The following ZFHX4 variants were observed in gnomAD, a reference collection of about 807,000 sequenced individuals.
ZFHX4 encodes the protein zinc finger homeobox 4, also known as zinc finger homeobox protein 4.
Under a neutral mutation model 267.6 loss-of-function variants are expected in ZFHX4, and 56 were observed. The ratio of observed to expected loss-of-function variants is 0.21; its 90% CI spans 0.17 to 0.26. ZFHX4 has a LOEUF of 0.26. Ranked by LOEUF, ZFHX4 falls within the 10% of genes least tolerant of loss-of-function variation. The probability of loss-of-function intolerance (pLI) is 1.00; values close to 1 mark genes in which losing one functional copy is unlikely to be tolerated. For synonymous variants in ZFHX4, 1,778 were observed against 1,665.6 expected, an observed-to-expected ratio of 1.07 and a Z score of -1.64; for missense variants, 4,332 against 4,420.0, an observed-to-expected ratio of 0.98 and a Z score of 0.56.
At chr8:76,739,396 T>G (rs1809257070) in intron 3 of ZFHX4, among the ~76,000 whole-genome samples, 1 of 152,206 alleles carries the variant, frequency 6.6e-6, no homozygotes, top group Non-Finnish European at 1.5e-5. Flanking sequence ...AACTACCTCA[T>G]GGTTCCTTTG....
intron 5 of ZFHX4, among the ~76,000 whole-genome samples, chr8:76,835,243 A>ATATATATATATATATATATG (rs1554572188): frequency 9.7e-6 from 1 of 102,742 alleles, no homozygotes; most frequent in African/African-American, 4.4e-5. Context: ...ATATATATGT[A>ATATATATATATATATATATG]TATATATATA....
chr8:76,757,430 A>G (rs540938596), intron 3 of ZFHX4, among the ~76,000 whole-genome samples: 11 of 152,308 alleles, frequency 7.2e-5, no homozygotes, highest in Admixed American at 5.2e-4. Flanking sequence ...TAGCTCCACC[A>G]CAAAAGATCT....
chr8:76,783,028 G>GT (rs1402296207), intron 4 of ZFHX4, among the ~76,000 whole-genome samples: 2 of 151,930 alleles, frequency 1.3e-5, no homozygotes, highest in Non-Finnish European at 1.5e-5. Flanking sequence ...AGCATAGAAA[G>GT]GTCTCTTATT....
chr8:76,845,084 T>G (rs1812332234), intron 6 of ZFHX4, among the ~76,000 whole-genome samples: 1 of 152,128 alleles, frequency 6.6e-6, no homozygotes, highest in Non-Finnish European at 1.5e-5. Flanking sequence ...AACATAGAAT[T>G]TTTTAGACAA....
At chr8:76,820,009 C>T (rs1000523187) in intron 4 of ZFHX4, among the ~76,000 whole-genome samples, 3 of 152,056 alleles carry the variant, frequency 2.0e-5, no homozygotes, top group Non-Finnish European at 4.4e-5. Context: ...AAAATATTGG[C>T]CATATAAAAG....
rs928225342 is a variant in ZFHX4, at chr8:76,855,209, C to T, written c.8288C>T (p.Ser2763Leu). ...STPVSKTAEL[S>L]PKNLLSPSSF... is the part of the protein sequence containing the mutation. ...CCTGTTAGTAAAACAGCAGAGCTGT[C>T]ACCGAAGAATCTTTTAAGCCCTTCT... Residue 2763 changes from serine (S) to leucine (L), a missense_variant, in exon 10 of 11, where the codon TCA (serine) becomes TTA (leucine). By Grantham distance (145) the Ser-to-Leu change is moderately radical. Transcript: ENST00000651372. 1 of 1,612,758 alleles carries T rather than the reference C, an allele frequency of 6.2e-7. No homozygotes were observed. The highest frequency in any genetic ancestry group is 1.3e-5 in the African/African-American group (1 of 74,918).
In ZFHX4 at chr8:76,855,071, C is replaced by T. The variant is rs752747502; in HGVS notation, c.8150C>T (p.Thr2717Ile). The T allele has an allele frequency of 5.1e-5, 83 of 1,613,916 alleles. No individual in the cohort carries two copies. The Middle Eastern group carries it at 1.5e-3, about 29-fold the overall frequency. ...YSLPPSPLIS[T>I]EDGGESPQKY... ...TTGCCACCAAGCCCTTTAATATCCA[C>T]CGAAGATGGGGGAGAAAGCCCACAG... The change falls in exon 10 of 11, where the codon ACC (threonine) becomes ATC (isoleucine). Residue 2717 changes from threonine to isoleucine, a missense_variant. By Grantham distance (89) the Thr-to-Ile change is moderately conservative. Around this residue, in one of 7 missense-constraint regions of ZFHX4, gnomAD observed 1,648 missense variants for 1,625.0 expected, o/e 1.01. Transcript: ENST00000651372.
At chr8:76,733,655 T>C (rs1396133460) in intron 3 of ZFHX4, among the ~76,000 whole-genome samples, 1 of 152,180 alleles carries the variant, frequency 6.6e-6, no homozygotes, top group Non-Finnish European at 1.5e-5. Flanking sequence ...TATATTAAGA[T>C]AATATTCATA....
chr8:76,849,558 G>A lies in ZFHX4; in HGVS notation c.3692G>A (p.Arg1231His), dbSNP rs760403982. The A allele has an allele frequency of 9.3e-6, 15 of 1,613,772 alleles. No individual in the cohort carries two copies. Among genetic ancestry groups the A allele is most frequent in the East Asian group, 6.7e-5 (3 of 44,882 alleles). Reference sequence around the variant, plus strand: ...AACTACAATAGTAGGGACCAAAGTCGTATCCAGATGCACGTCCTATCACAG... The same window carrying A: ...AACTACAATAGTAGGGACCAAAGTCATATCCAGATGCACGTCCTATCACAG... ...YCNYNSRDQS[R>H]IQMHVLSQHS... Residue 1231 changes from arginine to histidine, a missense_variant, in exon 8 of 11, where the codon CGT becomes CAT. Around this residue, in one of 7 missense-constraint regions of ZFHX4, gnomAD observed 1,371 missense variants for 1,423.1 expected, o/e 0.96. Coordinates refer to ENST00000651372, the MANE Select transcript of ZFHX4 (RefSeq NM_024721.5).
chr8:76,692,856 A>G lies in ZFHX4; in HGVS notation c.-46-11187A>G, dbSNP rs565455612. ...TTTAATATTTATATATGTTTGGTTC[A>G]TAACACTTGTTAAAGTACTTCTTAA... On this transcript the variant is annotated intron_variant, in intron 1 of 10. Transcript: ENST00000651372. 1.9e-3 allele frequency among the ~76,000 whole-genome samples: 294 copies of G among 152,292 alleles called. 1 individual carries two copies. The highest frequency in any genetic ancestry group is 6.8e-3 in the African/African-American group (283 of 41,570).
chr8:76,704,698 C>A lies in ZFHX4; in HGVS notation c.610C>A (p.Pro204Thr), dbSNP rs1254614054. 2 of 1,613,904 alleles carry A rather than the reference C, an allele frequency of 1.2e-6. No individual in the cohort carries two copies. The highest frequency in any genetic ancestry group is 2.7e-5 in the African/African-American group (2 of 74,930). ...TCATATCGCTTCATCCCTCGGGAAA[C>A]CATTTACAGCCGATCAGGCTTTCCC... is the stretch of plus-strand genomic sequence containing the variant. ...TFHIASSLGK[P>T]FTADQAFPNT... Residue 204 changes from proline to threonine, a missense_variant, in exon 2 of 11, where the codon CCA becomes ACA. Coordinates refer to ENST00000651372, the MANE Select transcript of ZFHX4 (RefSeq NM_024721.5).
chr8:76,857,740 C>T (rs1187626623), intron 10 of ZFHX4, among the ~76,000 whole-genome samples: 1 of 151,892 alleles, frequency 6.6e-6, no homozygotes, highest in Non-Finnish European at 1.5e-5. Flanking sequence ...ATTATCTAGA[C>T]AATTTTGGAG....
At chr8:76,820,891 G>A (rs1811630930) in intron 4 of ZFHX4, among the ~76,000 whole-genome samples, 1 of 152,148 alleles carries the variant, frequency 6.6e-6, no homozygotes, top group African/African-American at 2.4e-5. Flanking sequence ...AACAGGCAAT[G>A]GGTGTGTATT....
At chr8:76,832,003 G>GT (rs1369387250) in intron 4 of ZFHX4, among the ~76,000 whole-genome samples, 4 of 33,558 alleles carry the variant, frequency 1.2e-4, no homozygotes, top group African/African-American at 1.2e-3. Context: ...TTTTTTTAGT[G>GT]GGGGGGGGCA....
chr8:76,830,358 C>G (rs555355932), intron 4 of ZFHX4, among the ~76,000 whole-genome samples: 4 of 152,054 alleles, frequency 2.6e-5, no homozygotes, highest in Non-Finnish European at 5.9e-5. Context: ...ATTAAAACAA[C>G]GAAGGTCAGG....
At position 76,849,009 on chromosome 8, in the gene ZFHX4, G is replaced by C; in HGVS notation, c.3526G>C (p.Glu1176Gln). 6.5e-7 allele frequency: 1 copy of C among 1,546,600 alleles called. No homozygotes were observed. Among genetic ancestry groups the C allele is most frequent in the Non-Finnish European group, 8.7e-7 (1 of 1,146,484 alleles). The stretch of plus-strand genomic sequence containing the variant: ...TTGGGAATCAGGGATAATCACACCA[G>C]AGAAGGAACTAAAAGTTAGTGTGGC... ...SNKDSGIITP[E>Q]KELKVSVAGG... Residue 1176 changes from glutamate to glutamine, a missense_variant, in exon 7 of 11, where the codon GAG becomes CAG. Physicochemically the swap from Glu to Gln is conservative, Grantham distance 29. Coordinates refer to ENST00000651372, the MANE Select transcript of ZFHX4 (RefSeq NM_024721.5).
chr8:76,860,092 C>T (rs543084749), intron 10 of ZFHX4, among the ~76,000 whole-genome samples: 1 of 152,026 alleles, frequency 6.6e-6, no homozygotes, highest in African/African-American at 2.4e-5. Context: ...TAAATTACCA[C>T]CACTTACTCT....
In ZFHX4 at chr8:76,851,806, A is replaced by T. The variant is rs751027001; in HGVS notation, c.4885A>T (p.Ser1629Cys). The T allele has an allele frequency of 2.5e-6, 4 of 1,613,998 alleles. No homozygotes were observed. In the East Asian group the frequency reaches 8.9e-5, roughly 36 times the overall value. ...GGCTAGGGCTGCAAAGCTGGAGCCC[A>T]GTGGTCATGTGGCTGGTGGGCACAG... ...TKARAAKLEP[S>C]GHVAGGHSIA... The change falls in exon 10 of 11, where the codon AGT becomes TGT. Residue 1629 changes from serine to cysteine, a missense_variant. Ser to Cys is a moderately radical substitution (Grantham distance 112, BLOSUM62 -1). Coordinates refer to ENST00000651372, the MANE Select transcript of ZFHX4 (RefSeq NM_024721.5).
intron 4 of ZFHX4, among the ~76,000 whole-genome samples, chr8:76,793,114 A>G (rs1025705932): frequency 6.6e-6 from 1 of 152,186 alleles, no homozygotes; most frequent in African/African-American, 2.4e-5. Flanking sequence ...ATACAATAAC[A>G]ATGGGCATTA....
Sources: gnomAD v4.1 joint callset for allele counts (sites outside exome capture counted in the v4.1 genomes callset) on GRCh38, gnomAD v4.1.1 for gene constraint, gnomAD v4.1.1 regional missense constraint, MANE v1.5 for transcripts, NCBI Gene and HGNC (gene_info 2026-07-23, HGNC 2026-07-21) for gene names.